The following MCC variants were observed in gnomAD, a reference collection of about 807,000 sequenced individuals.
MCC encodes the protein colorectal mutant cancer protein.
MCC carries 90 observed loss-of-function variants against 116.2 expected under a neutral mutation model. That is an observed-to-expected ratio of 0.77 (90% CI 0.65 to 0.92). MCC has a LOEUF of 0.92. Ranked by LOEUF, MCC falls within the 40% of genes least tolerant of loss-of-function variation. The probability of loss-of-function intolerance (pLI) is 0.00; values close to 1 mark genes in which losing one functional copy is unlikely to be tolerated. For synonymous variants in MCC, 578 were observed against 510.5 expected, an observed-to-expected ratio of 1.13 and a Z score of -1.78; for missense variants, 1,516 against 1,312.2, an observed-to-expected ratio of 1.16 and a Z score of -2.40.
chr5:113,054,804 C>A (rs1200253136), intron 14 of MCC, among the ~76,000 whole-genome samples: 1 of 152,162 alleles, frequency 6.6e-6, no homozygotes, highest in Non-Finnish European at 1.5e-5. Context: ...CTGTGGCAGC[C>A]CAGGAAGGTT....
At chr5:113,248,389 G>T (rs1018133294) in intron 3 of MCC, among the ~76,000 whole-genome samples, 1 of 152,076 alleles carries the variant, frequency 6.6e-6, no homozygotes, top group Admixed American at 6.5e-5. Flanking sequence ...ATCAAAGCAG[G>T]TACTATGCTC....
Position 113,085,325 on chromosome 5 carries a change from C to A in MCC, c.1399-15G>T, listed in dbSNP as rs374639956. ...AGCTCTCTGACCTGAAATCATAATGCTTTTAGACATAGTTGGTGGTTTCCC... is the reference window on the plus strand; with the variant it reads ...AGCTCTCTGACCTGAAATCATAATGATTTTAGACATAGTTGGTGGTTTCCC... On this transcript the variant is annotated splice_polypyrimidine_tract_variant and intron_variant, in intron 8 of 18. Transcript: ENST00000408903. 233 of 1,594,990 alleles carry A rather than the reference C, an allele frequency of 1.5e-4. No homozygotes were observed. The African/African-American group carries it at 2.8e-3, about 19-fold the overall frequency.
chr5:113,458,100 A>G (rs1204757596), intron 1 of MCC, among the ~76,000 whole-genome samples: 3 of 152,160 alleles, frequency 2.0e-5, no homozygotes, highest in Non-Finnish European at 4.4e-5. Flanking sequence ...GGGGCCAGAT[A>G]AGAGAATAAA....
intron 11 of MCC, among the ~76,000 whole-genome samples, chr5:113,072,980 C>A (rs1293885307): frequency 2.0e-5 from 3 of 152,210 alleles, no homozygotes; most frequent in African/African-American, 7.2e-5. Context: ...CCACCGTCTA[C>A]CCAACACTAC....
rs1471259519 is a variant in MCC at position 113,053,807 on chromosome 5, C to G, written c.2366G>C (p.Ser789Thr). ...ELESIHIDPL[S>T]YDVKPRGDSQ... ...GTCTCCCCGAGGCTTGACGTCATAGCTGAGAGGATCGATGTGGATGCTTTC... is the reference window on the plus strand; with the variant it reads ...GTCTCCCCGAGGCTTGACGTCATAGGTGAGAGGATCGATGTGGATGCTTTC... The change falls in exon 15 of 19, where the codon AGC becomes ACC. Residue 789 changes from serine (S) to threonine (T), a missense_variant. Coordinates refer to ENST00000408903, the MANE Select transcript of MCC (RefSeq NM_001085377.2). The G allele has an allele frequency of 6.2e-7, 1 of 1,614,196 alleles. No homozygotes were observed. Among genetic ancestry groups the G allele is most frequent in the South Asian group, 1.1e-5 (1 of 91,092 alleles).
chr5:113,410,450 G>A (rs1329984806), intron 1 of MCC, among the ~76,000 whole-genome samples: 73 of 152,166 alleles, frequency 4.8e-4, no homozygotes, highest in Non-Finnish European at 1.3e-4. Context: ...AATTCGGTAG[G>A]TTAAATTCTT....
At chr5:113,039,399 T>C (rs1751533339) in intron 17 of MCC, among the ~76,000 whole-genome samples, 1 of 152,088 alleles carries the variant, frequency 6.6e-6, no homozygotes. Flanking sequence ...ACATATGCCA[T>C]TGCTTCACAG....
intron 3 of MCC, among the ~76,000 whole-genome samples, chr5:113,339,310 C>T (rs1767949187): frequency 6.6e-6 from 1 of 151,764 alleles, no homozygotes; most frequent in African/African-American, 2.4e-5. Context: ...GTTTTTCCTA[C>T]TTATTAACAT....
intron 1 of MCC, among the ~76,000 whole-genome samples, chr5:113,472,210 G>A (rs1327614132): frequency 1.3e-5 from 2 of 152,174 alleles, no homozygotes; most frequent in Non-Finnish European, 2.9e-5. Flanking sequence ...GATGAACCCG[G>A]TACCTCAGTT....
chr5:113,351,904 T>C (rs957123542), intron 2 of MCC, among the ~76,000 whole-genome samples: 1 of 152,186 alleles, frequency 6.6e-6, no homozygotes, highest in African/African-American at 2.4e-5. Context: ...AAATTTATTA[T>C]GCCATGTTAA....
At chr5:113,372,751 G>GT (rs1768867419) in intron 2 of MCC, among the ~76,000 whole-genome samples, 1 of 152,150 alleles carries the variant, frequency 6.6e-6, no homozygotes, top group South Asian at 2.1e-4. Context: ...GAGCGCAGTG[G>GT]TGCAATCACA....
At chr5:113,283,353 T>C (rs766446635) in intron 3 of MCC, among the ~76,000 whole-genome samples, 1 of 152,114 alleles carries the variant, frequency 6.6e-6, no homozygotes, top group African/African-American at 2.4e-5. Context: ...GATTTAAAAA[T>C]AGGTTAAGGA....
chr5:113,078,873 C>G (rs1412709986), intron 11 of MCC, among the ~76,000 whole-genome samples: 1 of 152,206 alleles, frequency 6.6e-6, no homozygotes, highest in African/African-American at 2.4e-5. Flanking sequence ...CAAACTGTCC[C>G]TGTTTGCAGA....
chr5:113,213,370 AG>A (rs1171008700), intron 3 of MCC, among the ~76,000 whole-genome samples: 4 of 152,216 alleles, frequency 2.6e-5, no homozygotes, highest in Non-Finnish European at 4.4e-5. Context: ...CAGGCTTGGA[AG>A]GGGGAGATAA....
chr5:113,234,290 T>C (rs899974862), intron 3 of MCC: 3 of 152,184 alleles, frequency 2.0e-5, no homozygotes, highest in Non-Finnish European at 1.5e-5. Context: ...ATATTTAGCA[T>C]ATATGAGATG....
intron 3 of MCC, among the ~76,000 whole-genome samples, chr5:113,264,159 C>T (rs1401461026): frequency 2.6e-5 from 4 of 152,186 alleles, no homozygotes; most frequent in Non-Finnish European, 5.9e-5. Flanking sequence ...CTTCCTAAAG[C>T]CAGCACACTT....
At chr5:113,359,483 C>G (rs1272645592) in intron 2 of MCC, among the ~76,000 whole-genome samples, 3 of 152,204 alleles carry the variant, frequency 2.0e-5, no homozygotes, top group Non-Finnish European at 4.4e-5. Context: ...AATAAACAGA[C>G]TTTAAAATTC....
chr5:113,224,917 G>A (rs1169276471), intron 3 of MCC, among the ~76,000 whole-genome samples: 1 of 152,190 alleles, frequency 6.6e-6, no homozygotes, highest in Non-Finnish European at 1.5e-5. Context: ...ACAGAAGGTG[G>A]TATGTGGACC....
rs114083788 is a variant in MCC at position 113,238,115 on chromosome 5, C to T, written c.628-86693G>A. ...CTGGCTTCCCTCATGGCATAAGTAG[C>T]ACTCACAGCAAAATGCATGCAACCA... On this transcript the variant is annotated intron_variant, in intron 3 of 18. Coordinates refer to ENST00000408903, the MANE Select transcript of MCC (RefSeq NM_001085377.2). 7.9e-3 allele frequency among the ~76,000 whole-genome samples: 1,204 copies of T among 152,284 alleles called. 5 individuals carry two copies. The highest frequency in any genetic ancestry group is 0.014 in the African/African-American group (586 of 41,558).
Sources: gnomAD v4.1 joint callset for allele counts (sites outside exome capture counted in the v4.1 genomes callset) on GRCh38, gnomAD v4.1.1 for gene constraint, MANE v1.5 for transcripts, NCBI Gene and HGNC (gene_info 2026-07-23, HGNC 2026-07-21) for gene names.